Variants in CDCA7L observed in about 807,000 individuals in gnomAD.
The protein encoded by CDCA7L is cell division cycle associated 7 like, also known as cell division cycle-associated 7-like protein.
Under a neutral mutation model 57.4 loss-of-function variants are expected in CDCA7L, and 44 were observed. That is an observed-to-expected ratio of 0.77 (90% CI 0.60 to 0.98). The LOEUF is 0.98. Among genes scored for constraint, CDCA7L ranks in the 50% least tolerant of loss-of-function variants. The pLI, the probability that CDCA7L is intolerant of heterozygous loss-of-function variation, is 0.00. For missense variants in CDCA7L, 644 were observed against 580.6 expected, an observed-to-expected ratio of 1.11 and a Z score of -1.12; for synonymous variants, 236 against 202.8, an observed-to-expected ratio of 1.16 and a Z score of -1.39.
intron 6 of CDCA7L, 114 bp from the exon 7 acceptor site, chr7:21,905,745 C>G: frequency 1.7e-6 from 2 of 1,168,030 alleles, no homozygotes; most frequent in African/African-American, 1.5e-5. Flanking sequence ...CGTCCCTCTT[C>G]TATTTCCCTG....
chr7:21,915,760 A>T (rs891706068), intron 2 of CDCA7L, among the ~76,000 whole-genome samples: 4 of 152,032 alleles, frequency 2.6e-5, no homozygotes, highest in Non-Finnish European at 5.9e-5. Context: ...CCCGGGAGGC[A>T]GAAGTTGCAG....
intron 8 of CDCA7L, 58 bp downstream of exon 8, chr7:21,904,052 T>G: frequency 6.7e-7 from 1 of 1,485,882 alleles, no homozygotes; most frequent in East Asian, 2.4e-5. Flanking sequence ...GAGGCCCATC[T>G]TTATAGCTTG....
intron 4 of CDCA7L, among the ~76,000 whole-genome samples, chr7:21,907,443 A>G (rs1785175353): frequency 6.6e-6 from 1 of 152,208 alleles, no homozygotes; most frequent in Non-Finnish European, 1.5e-5. Context: ...CCAAAATGCT[A>G]AAAGGGATAA....
intron 1 of CDCA7L, among the ~76,000 whole-genome samples, chr7:21,917,819 C>G (rs34433935): frequency 0.13 from 19,672 of 152,208 alleles, 1,579 homozygotes; most frequent in Non-Finnish European, 0.18. Context: ...GAATATAATT[C>G]AGCACATATC....
At position 21,937,008 on chromosome 7, in the gene CDCA7L, A is replaced by G. The variant is rs76832614; in HGVS notation, c.24+8773T>C. Among the ~76,000 whole-genome samples the G allele has an allele frequency of 1.7e-3, 262 of 152,338 alleles. 1 individual carries two copies. The highest frequency in any genetic ancestry group is 5.9e-3 in the African/African-American group (244 of 41,580). ...ATCAACTATGCTTCTACACACTAAC[A>G]ATGAACAATTATGAAAATTAAGAAA... is the stretch of plus-strand genomic sequence containing the variant. On this transcript the variant is annotated intron_variant, in intron 1 of 9. Coordinates refer to ENST00000406877, the MANE Select transcript of CDCA7L (RefSeq NM_018719.5).
At chr7:21,902,751 G>T in intron 9 of CDCA7L, 1 of 522,208 alleles carries the variant, frequency 1.9e-6, no homozygotes, top group Non-Finnish European at 3.4e-6. Context: ...TTTGGTTAAA[G>T]GCAACGTGGA....
chr7:21,944,265 C>G (rs1451423517), intron 1 of CDCA7L, among the ~76,000 whole-genome samples: 1 of 135,970 alleles, frequency 7.4e-6, no homozygotes, highest in Non-Finnish European at 1.6e-5. Context: ...ATTGTGAAAC[C>G]CTGTCTCTAC....
At chr7:21,923,991 G>A (rs1450451391) in intron 1 of CDCA7L, among the ~76,000 whole-genome samples, 1 of 152,164 alleles carries the variant, frequency 6.6e-6, no homozygotes, top group African/African-American at 2.4e-5. Flanking sequence ...GCTATAAAAA[G>A]ATCATCAAAC....
chr7:21,914,066 C>T (rs941328117), intron 2 of CDCA7L, among the ~76,000 whole-genome samples: 20 of 152,156 alleles, frequency 1.3e-4, no homozygotes, highest in African/African-American at 4.3e-4. Context: ...TGATCAGGAC[C>T]ATAAGCAAAT....
At position 21,901,982 on chromosome 7, in the gene CDCA7L, A is replaced by AACATT. The variant is rs1383578174; in HGVS notation, c.*339_*340insAATGT. 3.1e-5 allele frequency: 9 copies of AACATT among 291,822 alleles called. No individual in the cohort carries two copies. Among genetic ancestry groups the AACATT allele is most frequent in the Non-Finnish European group, 5.2e-5 (8 of 153,072 alleles). The allele number at this position is 291,822 out of a possible 1,614,324, so 18.1% of individuals were successfully genotyped here. A position where few individuals can be genotyped will look rare whatever the true frequency, so the allele number is the denominator to read the frequency against. On this transcript the variant is annotated 3_prime_UTR_variant, in exon 10 of 10. Transcript: ENST00000406877. ...TGGGAAGCCAAAGATAGATAGATCA[A>AACATT]GTGCAGGAGCTGATCATACAATGTT... is the stretch of plus-strand genomic sequence containing the variant.
chr7:21,939,024 GA>G (rs1786261342), intron 1 of CDCA7L, among the ~76,000 whole-genome samples: 2 of 151,508 alleles, frequency 1.3e-5, no homozygotes, highest in African/African-American at 4.8e-5. Flanking sequence ...AGAAATAATT[GA>G]AAAAAAATTC....
intron 2 of CDCA7L, among the ~76,000 whole-genome samples, chr7:21,914,395 C>T (rs759309276): frequency 4.6e-5 from 7 of 152,134 alleles, no homozygotes; most frequent in Non-Finnish European, 5.9e-5. Context: ...GACAGGTCCA[C>T]GAATAACCCT....
intron 1 of CDCA7L, among the ~76,000 whole-genome samples, chr7:21,931,204 A>AATTT (rs1785998469): frequency 1.3e-5 from 2 of 152,234 alleles, no homozygotes; most frequent in African/African-American, 4.8e-5. Context: ...AGGTACAAAG[A>AATTT]GGAGCTGGTA....
At chr7:21,926,371 G>A (rs943310416) in intron 1 of CDCA7L, among the ~76,000 whole-genome samples, 2 of 152,044 alleles carry the variant, frequency 1.3e-5, no homozygotes, top group African/African-American at 4.8e-5. Flanking sequence ...CTGCAGAATG[G>A]GAGAAATAGC....
intron 1 of CDCA7L, 28 bp downstream of exon 1, chr7:21,945,753 G>C (rs751439749): frequency 6.3e-7 from 1 of 1,599,976 alleles, no homozygotes; most frequent in East Asian, 2.3e-5. Flanking sequence ...GGGTGCGTCC[G>C]GACGGCGGCG....
intron 3 of CDCA7L, among the ~76,000 whole-genome samples, chr7:21,908,896 G>C (rs931666008): frequency 2.0e-5 from 3 of 152,202 alleles, no homozygotes; most frequent in African/African-American, 7.2e-5. Flanking sequence ...AGACAGGAAA[G>C]GACGCAACGG....
At chr7:21,922,758 C>G (rs1276814479) in intron 1 of CDCA7L, among the ~76,000 whole-genome samples, 1 of 152,130 alleles carries the variant, frequency 6.6e-6, no homozygotes, top group Non-Finnish European at 1.5e-5. Context: ...AAGGTGGAAG[C>G]AATCCAAGTA....
chr7:21,910,248 T>C (rs1785273721), intron 3 of CDCA7L, among the ~76,000 whole-genome samples: 1 of 152,118 alleles, frequency 6.6e-6, no homozygotes, highest in South Asian at 2.1e-4. Flanking sequence ...TAGAAGCATC[T>C]TAATATCGTG....
At position 21,900,972 on chromosome 7, in the gene CDCA7L, G is replaced by A; in HGVS notation, c.*1350C>T. On this transcript the variant is annotated 3_prime_UTR_variant, in exon 10 of 10. Transcript: ENST00000406877. ...TGATCATTATCATTAGTAGCAAGCT[G>A]CCACACAATTGCAACCGCTGTGTTT... 1 of 1,534,120 alleles carries A rather than the reference G, an allele frequency of 6.5e-7. No individual in the cohort carries two copies. Among genetic ancestry groups the A allele is most frequent in the Non-Finnish European group, 8.8e-7 (1 of 1,141,544 alleles).
Sources: gnomAD v4.1 joint callset for allele counts (sites outside exome capture counted in the v4.1 genomes callset) on GRCh38, gnomAD v4.1.1 for gene constraint, MANE v1.5 for transcripts, NCBI Gene and HGNC (gene_info 2026-07-23, HGNC 2026-07-21) for gene names.